The following RBFOX3 variants were observed in gnomAD, a reference collection of about 807,000 sequenced individuals.
The protein encoded by RBFOX3 is RNA binding protein fox-1 homolog 3.
A neutral mutation model predicts 48.7 loss-of-function variants in RBFOX3; 17 were observed. The observed-to-expected ratio is 0.35, with a 90% CI of 0.24 to 0.52. The LOEUF (loss-of-function observed/expected upper bound fraction) is 0.52, where lower values mean the gene tolerates loss of function less well. RBFOX3 is among the 20% of genes least tolerant of loss of function. The pLI, the probability that RBFOX3 is intolerant of heterozygous loss-of-function variation, is 0.94. For synonymous variants in RBFOX3, 212 were observed against 209.5 expected (o/e 1.01, Z -0.10); for missense variants, 382 against 497.5 (o/e 0.77, Z 2.21).
intron 1 of RBFOX3, among the ~76,000 whole-genome samples, chr17:79,521,389 C>G (rs1304825954): frequency 6.6e-5 from 10 of 151,982 alleles, no homozygotes. Context: ...GGCACAAACT[C>G]ACATACACAG....
rs1189665428 is a variant in RBFOX3 at position 79,311,949 on chromosome 17, G to GCACCCTCCCC, written c.-174-4126_-174-4125insGGGGAGGGTG. On this transcript the variant is annotated intron_variant, in intron 2 of 14. Transcript: ENST00000693108. This position sits in a 1 kb window ranked among gnomAD's most constrained non-coding sequence, Gnocchi z 4.2. Reference sequence around the variant, plus strand: ...ACAACCCAGGTGCCAGCTTCAGCTCGGGCCTGAAAATCCCTCCCCGTCAGA... The same window carrying GCACCCTCCCC: ...ACAACCCAGGTGCCAGCTTCAGCTCGCACCCTCCCCGGCCTGAAAATCCCTCCCCGTCAGA... Among the ~76,000 whole-genome samples the GCACCCTCCCC allele has an allele frequency of 3.9e-5, 6 of 152,082 alleles. No homozygotes were observed.
intron 2 of RBFOX3, among the ~76,000 whole-genome samples, chr17:79,409,424 C>T (rs1377457729): frequency 6.6e-6 from 1 of 152,208 alleles, no homozygotes; most frequent in Non-Finnish European, 1.5e-5. Context: ...GGAACTGCCA[C>T]CCTGTTTTCC....
At chr17:79,525,512 T>G (rs1486081502) in intron 1 of RBFOX3, among the ~76,000 whole-genome samples, 1 of 152,234 alleles carries the variant, frequency 6.6e-6, no homozygotes, top group Non-Finnish European at 1.5e-5. Flanking sequence ...AGGGGCCAGC[T>G]GCCAAAATCA....
At chr17:79,342,415 G>A (rs535633206) in intron 2 of RBFOX3, among the ~76,000 whole-genome samples, 3 of 152,292 alleles carry the variant, frequency 2.0e-5, no homozygotes, top group African/African-American at 7.2e-5. Context: ...TCTCTCGTCT[G>A]ATTAAATGCT....
chr17:79,369,339 G>A (rs2124605), intron 2 of RBFOX3, among the ~76,000 whole-genome samples: 103,153 of 151,760 alleles, frequency 0.68, 36,020 homozygotes, highest in Admixed American at 0.78. Flanking sequence ...CCGGGGAGGG[G>A]CTGATGGGGG....
At chr17:79,492,808 G>C (rs2080882266) in intron 1 of RBFOX3, among the ~76,000 whole-genome samples, 1 of 152,240 alleles carries the variant, frequency 6.6e-6, no homozygotes, top group Non-Finnish European at 1.5e-5. Context: ...GAGAAGACAG[G>C]ATGAGAGCAG....
chr17:79,586,072 T>G (rs2093240982), intron 1 of RBFOX3, among the ~76,000 whole-genome samples: 1 of 152,184 alleles, frequency 6.6e-6, no homozygotes, highest in African/African-American at 2.4e-5. Flanking sequence ...TGTTCACATG[T>G]CCATGGAAAC....
chr17:79,581,419 A>G (rs2093055661), intron 1 of RBFOX3, among the ~76,000 whole-genome samples: 1 of 152,240 alleles, frequency 6.6e-6, no homozygotes, highest in Non-Finnish European at 1.5e-5. Context: ...GCCAGATTGC[A>G]GTCTGGATGC....
chr17:79,654,454 G>C, the RBFOX3 span, among the ~76,000 whole-genome samples: 2 of 152,180 alleles, frequency 1.3e-5, no homozygotes, highest in Admixed American at 1.3e-4. Context: ...ACCTTGGCTG[G>C]GGCATGTCTA....
At chr17:79,463,259 A>G (rs1250504810) in intron 2 of RBFOX3, among the ~76,000 whole-genome samples, 3 of 95,244 alleles carry the variant, frequency 3.1e-5, no homozygotes, top group African/African-American at 8.1e-5. Context: ...TGCCACCTCC[A>G]CCATCGCCAC....
intron 4 of RBFOX3, among the ~76,000 whole-genome samples, chr17:79,160,287 G>C (rs2046713859): frequency 6.6e-6 from 1 of 152,246 alleles, no homozygotes; most frequent in Non-Finnish European, 1.5e-5. Context: ...CTGCACCCAA[G>C]GGGTGGACCT....
intron 4 of RBFOX3, among the ~76,000 whole-genome samples, chr17:79,139,467 C>T (rs2041448888): frequency 1.3e-5 from 2 of 152,270 alleles, no homozygotes; most frequent in Non-Finnish European, 2.9e-5. Context: ...GGACGATTTA[C>T]ACCTTCTCAT....
chr17:79,414,513 G>A (rs191527760), intron 2 of RBFOX3, among the ~76,000 whole-genome samples: 9 of 152,172 alleles, frequency 5.9e-5, no homozygotes, highest in African/African-American at 2.2e-4. Context: ...CAGGGCGAAA[G>A]CTCCCCGTGA....
At chr17:79,233,626 T>C (rs1027677744) in intron 4 of RBFOX3, 7 of 152,030 alleles carry the variant, frequency 4.6e-5, no homozygotes, top group Admixed American at 1.3e-4. Context: ...TTTTTTTTTT[T>C]AGACGGAGTT....
intron 2 of RBFOX3, among the ~76,000 whole-genome samples, chr17:79,384,110 G>T (rs559931814): frequency 6.6e-6 from 1 of 152,220 alleles, no homozygotes; most frequent in African/African-American, 2.4e-5. Context: ...CACCTACAGC[G>T]GGCTCAGGGC....
chr17:79,223,328 T>C (rs919879638), intron 4 of RBFOX3, among the ~76,000 whole-genome samples: 2 of 152,102 alleles, frequency 1.3e-5, no homozygotes, highest in African/African-American at 2.4e-5. Flanking sequence ...CACAGCTGCA[T>C]GTGTATCTGC....
intron 1 of RBFOX3, among the ~76,000 whole-genome samples, chr17:79,543,968 C>T (rs372536880): frequency 3.9e-5 from 6 of 152,316 alleles, no homozygotes; most frequent in African/African-American, 1.4e-4. Flanking sequence ...TCAGAGCAGC[C>T]ATACCACCAA....
rs78081297 is a variant in RBFOX3 at position 79,543,303 on chromosome 17, G to A, written c.-319-60705C>T. Among the ~76,000 whole-genome samples the A allele has an allele frequency of 7.2e-3, 1,096 of 152,250 alleles. 12 individuals carry two copies. Among genetic ancestry groups the A allele is most frequent in the African/African-American group, 0.025 (1,051 of 41,536 alleles). ...GAGTTTGCTACATCTTCAGAGCTCTGCGAGGCCAATGCTGCCTTCACTGTG... is the reference window on the plus strand; with the variant it reads ...GAGTTTGCTACATCTTCAGAGCTCTACGAGGCCAATGCTGCCTTCACTGTG... On this transcript the variant is annotated intron_variant, in intron 1 of 14. Transcript: ENST00000693108.
chr17:79,362,372 G>A lies in RBFOX3; in HGVS notation c.-174-54548C>T, dbSNP rs555819140. ...TGCGTAGGACGGTGGGAGAGGCTGAGTGCAGCGTCTTTCAGAGCCAAACAG... is the reference window on the plus strand; with the variant it reads ...TGCGTAGGACGGTGGGAGAGGCTGAATGCAGCGTCTTTCAGAGCCAAACAG... On this transcript the variant is annotated intron_variant, in intron 2 of 14. Coordinates refer to ENST00000693108, the MANE Select transcript of RBFOX3 (RefSeq NM_001350451.2). The surrounding 1 kb of genome is among the most constrained non-coding windows in gnomAD (Gnocchi z 4.2). Among the ~76,000 whole-genome samples, 4 of 152,268 alleles carry A rather than the reference G, an allele frequency of 2.6e-5. No individual in the cohort carries two copies. Among genetic ancestry groups the A allele is most frequent in the African/African-American group, 9.6e-5 (4 of 41,552 alleles).
Sources: gnomAD v4.1 joint callset for allele counts (sites outside exome capture counted in the v4.1 genomes callset) on GRCh38, gnomAD v4.1.1 for gene constraint, Gnocchi (gnomAD v3.1) non-coding constraint, MANE v1.5 for transcripts, NCBI Gene and HGNC (gene_info 2026-07-23, HGNC 2026-07-21) for gene names.